The following ZNF837 variants were observed in gnomAD, a reference collection of about 807,000 sequenced individuals.
ZNF837 encodes zinc finger protein 837.
For missense variants in ZNF837, 955 were observed against 801.7 expected (o/e 1.19, Z -2.31); for synonymous variants, 475 against 365.2 (o/e 1.30, Z -3.43).
chr19:58,375,214 A>C (rs10460168), intron 1 of ZNF837, among the ~76,000 whole-genome samples: 63,209 of 128,536 alleles, frequency 0.49, 15,987 homozygotes, highest in East Asian at 0.53. Context: ...CGAGATCACA[A>C]CACTGTACTC....
At chr19:58,380,575 C>A (rs1336728811) in intron 1 of ZNF837, among the ~76,000 whole-genome samples, 1 of 152,206 alleles carries the variant, frequency 6.6e-6, no homozygotes, top group East Asian at 1.9e-4. Flanking sequence ...GGCCAGGATG[C>A]GGGGGCAGAG....
chr19:58,370,897 AAAAG>A (rs2052194374), intron 1 of ZNF837, among the ~76,000 whole-genome samples: 2 of 149,268 alleles, frequency 1.3e-5, no homozygotes, highest in African/African-American at 5.0e-5. Context: ...CTCTTTCAAA[AAAAG>A]AAAAGGAAAA....
chr19:58,369,274 C>T lies in ZNF837; in HGVS notation c.59G>A (p.Gly20Asp). 1 of 1,408,020 alleles carries T rather than the reference C, an allele frequency of 7.1e-7. No homozygotes were observed. The highest frequency in any genetic ancestry group is 9.2e-7 in the Non-Finnish European group (1 of 1,086,686). The allele number at this position is 1,408,020 out of a possible 1,614,324, so 87.2% of individuals were successfully genotyped here. A position where few individuals can be genotyped will look rare whatever the true frequency, so the allele number is the denominator to read the frequency against. The change falls in exon 3 of 3, where the codon GGT becomes GAT. Residue 20 changes from glycine to aspartate, a missense_variant. Coordinates refer to ENST00000597582, the MANE Select transcript of ZNF837 (RefSeq NM_138466.2). ...QGGLPKADAQ[G>D]ASGAREKRPE... Reference sequence around the variant, plus strand: ...CCTCTTCTCCCGGGCCCCGGAGGCACCCTGGGCATCGGCCTTGGGGAGTCC... The same window carrying T: ...CCTCTTCTCCCGGGCCCCGGAGGCATCCTGGGCATCGGCCTTGGGGAGTCC...
At position 58,368,747 on chromosome 19, in the gene ZNF837, G is replaced by T; in HGVS notation, c.586C>A (p.Gln196Lys). Residue 196 changes from glutamine (Q) to lysine (K), a missense_variant, in exon 3 of 3, where the codon CAG becomes AAG. Physicochemically the swap from Gln to Lys is moderately conservative, Grantham distance 53. Coordinates refer to ENST00000597582, the MANE Select transcript of ZNF837 (RefSeq NM_138466.2). ...TSRGRNPLVE[Q>K]PRACACGEAF... ...TCGCCGCACGCGCAAGCCCGGGGCT[G>T]CTCCACCAAGGGGTTCCTCCCGCGG... 6.5e-7 allele frequency: 1 copy of T among 1,539,370 alleles called. No individual in the cohort carries two copies. Among genetic ancestry groups the T allele is most frequent in the African/African-American group, 1.4e-5 (1 of 73,150 alleles).
Position 58,369,046 on chromosome 19 carries a change from G to A in ZNF837, c.287C>T (p.Ser96Phe). Residue 96 changes from serine (S) to phenylalanine (F), a missense_variant, in exon 3 of 3, where the codon TCT (serine) becomes TTT (phenylalanine). Physicochemically the swap from Ser to Phe is radical, Grantham distance 155 (BLOSUM62 -2). Transcript: ENST00000597582. ...GATAACCAGCTCAGGGTTCTGAGAA[G>A]AGGTGGGGCCGCACGGCTCCCGCAC... Reference protein sequence around the residue: ...PLVREPCGPTSSQNPELVIPE... With the variant: ...PLVREPCGPTFSQNPELVIPE... 1 of 1,515,720 alleles carries A rather than the reference G, an allele frequency of 6.6e-7. No individual in the cohort carries two copies. Among genetic ancestry groups the A allele is most frequent in the Non-Finnish European group, 8.8e-7 (1 of 1,130,724 alleles). The allele number at this position is 1,515,720 out of a possible 1,614,324, so 93.9% of individuals were successfully genotyped here. A position where few individuals can be genotyped will look rare whatever the true frequency, so the allele number is the denominator to read the frequency against.
rs77100532 is a variant in ZNF837 at position 58,368,541 on chromosome 19, G to T, written c.792C>A (p.Asp264Glu). Reference protein sequence around the residue: ...QTSRPRPIVPDPPAQRLYACD... With the variant: ...QTSRPRPIVPEPPAQRLYACD... ...AAGCGTACAGTCGCTGGGCCGGGGGGTCGGGGACAATAGGGCGAGGTCGCG... is the reference window on the plus strand; with the variant it reads ...AAGCGTACAGTCGCTGGGCCGGGGGTTCGGGGACAATAGGGCGAGGTCGCG... The change falls in exon 3 of 3, where the codon GAC (aspartate) becomes GAA (glutamate). Residue 264 changes from aspartate (D) to glutamate (E), a missense_variant. Transcript: ENST00000597582. 9.7e-6 allele frequency: 15 copies of T among 1,539,414 alleles called. No homozygotes were observed. The Admixed American group carries it at 2.6e-4, about 26-fold the overall frequency.
intron 1 of ZNF837, among the ~76,000 whole-genome samples, chr19:58,370,946 G>A (rs2052195302): frequency 4.2e-5 from 1 of 23,802 alleles, no homozygotes; most frequent in Admixed American, 3.3e-4. Context: ...GAGGGGTGAA[G>A]GCCGGGGGGG....
intron 1 of ZNF837, among the ~76,000 whole-genome samples, chr19:58,371,386 C>T (rs990819215): frequency 2.0e-5 from 3 of 152,090 alleles, no homozygotes; most frequent in African/African-American, 7.2e-5. Flanking sequence ...CCAGCCTGGG[C>T]GACAGAGCGA....
rs766907819 is a variant in ZNF837 at position 58,368,419 on chromosome 19, C to CCGCACTCGG, written c.905_913dup (p.Ala302_Cys304dup). 1.9e-6 allele frequency: 3 copies of CCGCACTCGG among 1,549,476 alleles called. No homozygotes were observed. The highest frequency in any genetic ancestry group is 1.2e-5 in the South Asian group (1 of 84,362). The stretch of plus-strand genomic sequence containing the variant: ...GCCGGAGCAGCGCACGAAGGCCTTG[C>CCGCACTCGG]CGCACTCGGCGCACTCGTAGGGCCG... On this transcript the variant is annotated inframe_insertion, in exon 3 of 3. Transcript: ENST00000597582.
At position 58,367,754 on chromosome 19, in the gene ZNF837, C is replaced by G. The variant is rs2052147448; in HGVS notation, c.1579G>C (p.Gly527Arg). 2 of 1,530,652 alleles carry G rather than the reference C, an allele frequency of 1.3e-6. No individual in the cohort carries two copies. The highest frequency in any genetic ancestry group is 8.7e-7 in the Non-Finnish European group (1 of 1,144,110). 94.8% of individuals were successfully genotyped at this position (1,530,652 alleles called of 1,614,324 possible). A position where few individuals can be genotyped will look rare whatever the true frequency, so the allele number is the denominator to read the frequency against. ...CCCTGCAGTCAAGGCGCGGCGCGGC[C>G]CCCGTGCCGCTTCCGGTGCTCGTTG... Reference protein sequence around the residue: ...NLNEHRKRHGGRAAP With the variant: ...NLNEHRKRHGRRAAP The change falls in exon 3 of 3, where the codon GGC becomes CGC. Residue 527 changes from glycine (G) to arginine (R), a missense_variant. By Grantham distance (125) the Gly-to-Arg change is moderately radical. Transcript: ENST00000597582.
intron 1 of ZNF837, among the ~76,000 whole-genome samples, chr19:58,373,397 G>A (rs2052217460): frequency 6.6e-6 from 1 of 152,202 alleles, no homozygotes; most frequent in South Asian, 2.1e-4. Flanking sequence ...CATCTGGGTG[G>A]TGCTGAACAC....
intron 1 of ZNF837, 149 bp downstream of exon 1, chr19:58,380,792 C>G (rs1441538563): frequency 6.6e-6 from 1 of 152,310 alleles, no homozygotes; most frequent in African/African-American, 2.4e-5. Flanking sequence ...GGACCCGGAG[C>G]GCGAGGACCG....
chr19:58,370,945 A>G (rs1419628536), intron 1 of ZNF837, among the ~76,000 whole-genome samples: 3 of 23,118 alleles, frequency 1.3e-4, no homozygotes, highest in East Asian at 2.2e-3. Flanking sequence ...GGAGGGGTGA[A>G]GGCCGGGGGG....
At chr19:58,369,656 T>C in intron 2 of ZNF837, 163 bp downstream of exon 2, 1 of 240,342 alleles carries the variant, frequency 4.2e-6, no homozygotes, top group Non-Finnish European at 8.0e-6. Flanking sequence ...CTGGTCCCCC[T>C]TCCCCAAGCA....
At chr19:58,377,678 C>T (rs776861875) in intron 1 of ZNF837, among the ~76,000 whole-genome samples, 2 of 152,190 alleles carry the variant, frequency 1.3e-5, no homozygotes, top group African/African-American at 2.4e-5. Context: ...AGAAACTGAA[C>T]ATGCTCGCTG....
rs1197381125 is a variant in ZNF837 at position 58,368,335 on chromosome 19, G to A, written c.998C>T (p.Ala333Val). 7 of 1,514,626 alleles carry A rather than the reference G, an allele frequency of 4.6e-6. No individual in the cohort carries two copies. In the South Asian group the frequency reaches 7.4e-5, roughly 16 times the overall value. The allele number at this position is 1,514,626 out of a possible 1,614,324, so 93.8% of individuals were successfully genotyped here. Residue 333 changes from alanine (A) to valine (V), a missense_variant, in exon 3 of 3, where the codon GCG (alanine) becomes GTG (valine). By Grantham distance (64) the Ala-to-Val change is moderately conservative. Coordinates refer to ENST00000597582, the MANE Select transcript of ZNF837 (RefSeq NM_138466.2). ...GCACCCCAGCCGGAAGGCGCGCCGC[G>A]CCAGGACGGGGCCACGCCGGTGGCG... ...AERHRRGPVL[A>V]RRAFRLGCPP...
At position 58,369,281 on chromosome 19, in the gene ZNF837, C is replaced by A; in HGVS notation, c.52G>T (p.Ala18Ser). 1 of 1,406,974 alleles carries A rather than the reference C, an allele frequency of 7.1e-7. No homozygotes were observed. Among genetic ancestry groups the A allele is most frequent in the South Asian group, 1.6e-5 (1 of 64,156 alleles). 87.2% of individuals were successfully genotyped at this position (1,406,974 alleles called of 1,614,324 possible). The change falls in exon 3 of 3, where the codon GCC becomes TCC. Residue 18 changes from alanine to serine, a missense_variant. Coordinates refer to ENST00000597582, the MANE Select transcript of ZNF837 (RefSeq NM_138466.2). ...TCCCGGGCCCCGGAGGCACCCTGGG[C>A]ATCGGCCTTGGGGAGTCCTCCCTGC... Reference protein sequence around the residue: ...AGQGGLPKADAQGASGAREKR... With the variant: ...AGQGGLPKADSQGASGAREKR...
At chr19:58,376,752 C>T (rs1168190459) in intron 1 of ZNF837, among the ~76,000 whole-genome samples, 1 of 152,048 alleles carries the variant, frequency 6.6e-6, no homozygotes, top group Non-Finnish European at 1.5e-5. Context: ...AAAGCATTTT[C>T]TTTAACCAGG....
chr19:58,376,609 G>GA (rs1220385084), intron 1 of ZNF837, among the ~76,000 whole-genome samples: 36 of 126,624 alleles, frequency 2.8e-4, no homozygotes, highest in Middle Eastern at 4.2e-3. Context: ...AAGAAAAAAG[G>GA]AAAAAAAAAG....
Sources: allele counts gnomAD v4.1 joint callset (sites outside exome capture counted in the v4.1 genomes callset), GRCh38; gene constraint gnomAD v4.1.1; transcripts MANE v1.5; gene names NCBI Gene and HGNC (gene_info 2026-07-23, HGNC 2026-07-21).